The following DLG3 variants were observed in gnomAD, a reference collection of about 807,000 sequenced individuals.
DLG3 encodes discs large MAGUK scaffold protein 3.
In DLG3, 1 loss-of-function variant was observed where a neutral mutation model predicts 64.1. That is an observed-to-expected ratio of 0.02 (90% confidence interval 0.01 to 0.07). The LOEUF is 0.07. DLG3 is among the 10% of genes least tolerant of loss of function. The pLI, the probability that DLG3 is intolerant of heterozygous loss-of-function variation, is 1.00. For missense variants in DLG3, 429 were observed against 669.5 expected, an observed-to-expected ratio of 0.64 and a Z score of 3.96; for synonymous variants, 245 against 259.8, an observed-to-expected ratio of 0.94 and a Z score of 0.55.
Position 70,500,942 on chromosome X carries a change from A to G in DLG3, c.2300A>G (p.Tyr767Cys), listed in dbSNP as rs147529255. The change falls in exon 18 of 19, where the codon TAT becomes TGT. Residue 767 changes from tyrosine to cysteine, a missense_variant. Coordinates refer to ENST00000374360, the MANE Select transcript of DLG3 (RefSeq NM_021120.4). ...ACATATGAACAAGCAAATAAGATCT[A>G]TGACAAAGCCATGAAACTGGAGCAG... ...RQTYEQANKIYDKAMKLEQEF... is the reference protein window; with the variant it reads ...RQTYEQANKICDKAMKLEQEF... 210 of 1,202,144 alleles carry G rather than the reference A, an allele frequency of 1.7e-4. No individual in the cohort carries two copies. The highest frequency in any genetic ancestry group is 2.3e-4 in the Non-Finnish European group (202 of 891,075).
At chrX:70,495,291 C>G in intron 12 of DLG3, 117 bp from the exon 13 acceptor site, 2 of 669,034 alleles carry the variant, frequency 3.0e-6, no homozygotes. Context: ...TTGTCTTTTT[C>G]TCTATTTTTT....
At chrX:70,490,245 A>G (rs2087334850) in intron 10 of DLG3, among the ~76,000 whole-genome samples, 1 of 111,878 alleles carries the variant, frequency 8.9e-6, no homozygotes, top group Non-Finnish European at 1.9e-5. Flanking sequence ...TTTCCTTACT[A>G]TATTTGTTCT....
chrX:70,496,453 C>T (rs1233900462), intron 13 of DLG3, among the ~76,000 whole-genome samples: 5 of 112,854 alleles, frequency 4.4e-5, no homozygotes, highest in Non-Finnish European at 9.4e-5. Flanking sequence ...ACGAGCGCTG[C>T]TCCTCCGCCT....
At chrX:70,453,832 G>A in intron 8 of DLG3, 39 bp downstream of exon 8, 1 of 1,122,317 alleles carries the variant, frequency 8.9e-7, no homozygotes. Flanking sequence ...TGGGAACTGT[G>A]CCAGTCTAAA....
intron 9 of DLG3, 141 bp downstream of exon 9, chrX:70,454,457 C>T (rs1003251044): frequency 7.3e-6 from 4 of 546,416 alleles, no homozygotes; most frequent in African/African-American, 4.6e-5. Flanking sequence ...CTCTCCTTTT[C>T]CTGCTGGGTA....
intron 12 of DLG3, among the ~76,000 whole-genome samples, chrX:70,494,604 G>A (rs960394858): frequency 1.8e-5 from 2 of 112,270 alleles, no homozygotes; most frequent in African/African-American, 6.5e-5. Flanking sequence ...TGAGCAGTTA[G>A]GAGACAGTCT....
At chrX:70,468,075 C>T (rs1176901924) in intron 9 of DLG3, among the ~76,000 whole-genome samples, 1 of 110,846 alleles carries the variant, frequency 9.0e-6, no homozygotes, top group African/African-American at 3.3e-5. Context: ...TTGTTTGTTT[C>T]ATTTTTGTTT....
rs867847424 is a variant in DLG3 at position 70,492,575 on chromosome X, G to A, written c.1752G>A (p.Thr584=). The A allele has an allele frequency of 5.0e-6, 6 of 1,209,403 alleles. No individual in the cohort carries two copies. The highest frequency in any genetic ancestry group is 4.4e-5 in the Admixed American group (2 of 45,822). Residue 584 remains threonine, a synonymous_variant, in exon 12 of 19, where the codon ACG becomes ACA. Transcript: ENST00000374360. ...AAACTGTGAAGTTCCATGCCAGGACGGGGATGATTGAGTCTAACAGGGTAA... is the reference window on the plus strand; with the variant it reads ...AAACTGTGAAGTTCCATGCCAGGACAGGGATGATTGAGTCTAACAGGGTAA... The part of the protein sequence containing the change: ...RLKTVKFHAR[T]GMIESNRDFP...
chrX:70,498,578 T>A lies in DLG3; in HGVS notation c.1870+8T>A, dbSNP rs1464095909. The A allele has an allele frequency of 3.3e-6, 4 of 1,201,012 alleles. No homozygotes were observed. The highest frequency in any genetic ancestry group is 4.5e-6 in the Non-Finnish European group (4 of 888,502). On this transcript the variant is annotated splice_region_variant and intron_variant, in intron 14 of 18. Transcript: ENST00000374360. ...CAGTGACACGGCAAGAAAGTAAGCC[T>A]CCTCTGAGAGCCTTGTCTTCGTGCT... is the stretch of plus-strand genomic sequence containing the variant.
Position 70,445,257 on chromosome X carries a change from T to C in DLG3, c.56T>C (p.Leu19Pro), listed in dbSNP as rs959740155. 5.2e-6 allele frequency: 6 copies of C among 1,163,553 alleles called. No homozygotes were observed. In the African/African-American group the frequency reaches 1.1e-4, roughly 21 times the overall value. Reference protein sequence around the residue: ...KCPECYEVTRLAALRRLEPPG... With the variant: ...KCPECYEVTRPAALRRLEPPG... ...CCTGAGTGCTATGAGGTGACCCGCCTGGCCGCCCTGCGGCGCCTCGAGCCT... is the reference window on the plus strand; with the variant it reads ...CCTGAGTGCTATGAGGTGACCCGCCCGGCCGCCCTGCGGCGCCTCGAGCCT... The change falls in exon 1 of 19, where the codon CTG becomes CCG. Residue 19 changes from leucine (L) to proline (P), a missense_variant. This residue lies in a region of DLG3 where 123 missense variants were observed against 113.3 expected (regional missense o/e 1.09). Transcript: ENST00000374360.
At chrX:70,496,092 A>G (rs773272376) in intron 13 of DLG3, among the ~76,000 whole-genome samples, 10 of 112,459 alleles carry the variant, frequency 8.9e-5, no homozygotes, top group Admixed American at 2.8e-4. Flanking sequence ...TCCTTTCTGG[A>G]AAAGAATCCT....
Position 70,445,400 on chromosome X carries a change from C to G in DLG3, c.199C>G (p.Pro67Ala). Residue 67 changes from proline (P) to alanine (A), a missense_variant, in exon 1 of 19, where the codon CCC becomes GCC. This residue lies in a region of DLG3 where 123 missense variants were observed against 113.3 expected (regional missense o/e 1.09). Transcript: ENST00000374360. ...CTTGCCCTCGCAGGCGGGGGCCACCCCCACCCCTCGCACCAAGGCCAAGCT... is the reference window on the plus strand; with the variant it reads ...CTTGCCCTCGCAGGCGGGGGCCACCGCCACCCCTCGCACCAAGGCCAAGCT... ...QTLPSQAGAT[P>A]TPRTKAKLIP... is the part of the protein sequence containing the mutation. The G allele has an allele frequency of 8.4e-7, 1 of 1,184,813 alleles. No homozygotes were observed. The highest frequency in any genetic ancestry group is 1.7e-5 in the African/African-American group (1 of 57,215).
rs772333791 is a variant in DLG3, at chrX:70,500,593, C to G, written c.2255+13C>G. 1.8e-6 allele frequency: 2 copies of G among 1,129,512 alleles called. No individual in the cohort carries two copies. Among genetic ancestry groups the G allele is most frequent in the Non-Finnish European group, 1.2e-6 (1 of 820,450 alleles). The allele number at this position is 1,129,512 out of a possible 1,213,427, so 93.1% of individuals were successfully genotyped here. ...TTGAAGCCCTTATGTAAGTGTTGAA[C>G]TGAGAACTCAGACACACCAAGCTAA... On this transcript the variant is annotated intron_variant, in intron 17 of 18. Transcript: ENST00000374360.
At chrX:70,478,463 CT>C (rs1490264104) in intron 9 of DLG3, among the ~76,000 whole-genome samples, 1 of 111,456 alleles carries the variant, frequency 9.0e-6, no homozygotes, top group Non-Finnish European at 1.9e-5. Context: ...TGTCAGCCGA[CT>C]TCTCGGTTTG....
At position 70,451,977 on chromosome X, in the gene DLG3, C is replaced by T. The variant is rs968826501; in HGVS notation, c.1096C>T (p.Arg366Cys). The change falls in exon 7 of 19, where the codon CGC becomes TGC. Residue 366 changes from arginine (R) to cysteine (C), a missense_variant. Coordinates refer to ENST00000374360, the MANE Select transcript of DLG3 (RefSeq NM_021120.4). ...YPAPPQVPPT[R>C]YSPIPRHMLA... ...TGCTCCTCCTCAGGTTCCCCCCACC[C>T]GCTACTCTCCTATTCCCAGGCACAT... 4.1e-6 allele frequency: 5 copies of T among 1,209,251 alleles called. No individual in the cohort carries two copies. The highest frequency in any genetic ancestry group is 4.5e-6 in the Non-Finnish European group (4 of 894,897).
intron 2 of DLG3, 121 bp from the exon 3 acceptor site, chrX:70,449,238 G>T (rs2147769842): frequency 1.9e-6 from 2 of 1,037,664 alleles, no homozygotes; most frequent in Non-Finnish European, 2.7e-6. Context: ...TGCCCAGCCT[G>T]CCATGGCCCC....
chrX:70,447,138 A>G (rs1462173945), intron 1 of DLG3, among the ~76,000 whole-genome samples: 1 of 110,523 alleles, frequency 9.0e-6, no homozygotes, highest in Non-Finnish European at 1.9e-5. Context: ...CAGTTGGCCA[A>G]GGTTTCTTTG....
At position 70,490,818 on chromosome X, in the gene DLG3, A is replaced by G. The variant is rs993854600; in HGVS notation, c.1521-1289A>G. On this transcript the variant is annotated intron_variant, in intron 10 of 18. Coordinates refer to ENST00000374360, the MANE Select transcript of DLG3 (RefSeq NM_021120.4). ...ATATGAAGAAGACAGCCTAGATTGC[A>G]GGTAGAAAAATACAAACTTCTCACT... 4.4e-5 allele frequency among the ~76,000 whole-genome samples: 5 copies of G among 112,462 alleles called. No homozygotes were observed. The Admixed American group carries it at 4.7e-4, about 11-fold the overall frequency.
At chrX:70,447,166 A>G (rs939530236) in intron 1 of DLG3, among the ~76,000 whole-genome samples, 3 of 110,652 alleles carry the variant, frequency 2.7e-5, no homozygotes, top group Non-Finnish European at 5.7e-5. Flanking sequence ...TGATCCCTGG[A>G]TGGCTCCTGG....
Sources: allele counts gnomAD v4.1 joint callset (sites outside exome capture counted in the v4.1 genomes callset), GRCh38; gene constraint gnomAD v4.1.1; regional missense constraint gnomAD v4.1.1; transcripts MANE v1.5; gene names NCBI Gene and HGNC (gene_info 2026-07-23, HGNC 2026-07-21).